RPL3: variants seen among roughly 807,000 people sequenced by gnomAD.
RPL3 encodes large ribosomal subunit protein uL3.
In RPL3, 3 loss-of-function variants were observed where a neutral mutation model predicts 46.0. The ratio of observed to expected loss-of-function variants is 0.07; its 90% CI spans 0.03 to 0.17. The LOEUF (loss-of-function observed/expected upper bound fraction) is 0.17. Ranked by LOEUF, RPL3 falls within the 10% of genes least tolerant of loss-of-function variation. The pLI, the probability that RPL3 is intolerant of heterozygous loss-of-function variation, is 1.00. For missense variants in RPL3, 387 were observed against 532.7 expected, an observed-to-expected ratio of 0.73 and a Z score of 2.69; for synonymous variants, 224 against 190.8, an observed-to-expected ratio of 1.17 and a Z score of -1.43.
chr22:39,319,182 A>G (rs1027921831), intron 1 of RPL3: 5 of 536,708 alleles, frequency 9.3e-6, no homozygotes, highest in African/African-American at 7.7e-5. Context: ...ACTCCACAAC[A>G]CTCCCCTCCC....
At chr22:39,313,598 A>G (rs373828350) in intron 8 of RPL3, 36 bp downstream of exon 8, 321 of 1,595,710 alleles carry the variant, frequency 2.0e-4, no homozygotes, top group Non-Finnish European at 2.6e-4. Context: ...CTCCCTCTAC[A>G]AGAGCCCCCC....
chr22:39,319,079 T>C (rs1472924041), intron 1 of RPL3: 2 of 537,210 alleles, frequency 3.7e-6, no homozygotes, highest in Non-Finnish European at 7.6e-6. Context: ...CAGCACACAG[T>C]TTCTGTCCGC....
chr22:39,315,230 G>C, intron 5 of RPL3, 139 bp downstream of exon 5: 1 of 1,211,050 alleles, frequency 8.3e-7, no homozygotes, highest in Non-Finnish European at 1.2e-6. Flanking sequence ...TCAGAAGGAA[G>C]GCAGTAGAGA....
rs1922723791 is a variant in RPL3 at position 39,316,785 on chromosome 22, T to A, written c.422A>T (p.Asp141Val). 2 of 1,614,032 alleles carry A rather than the reference T, an allele frequency of 1.2e-6. No individual in the cohort carries two copies. The highest frequency in any genetic ancestry group is 2.7e-5 in the African/African-American group (2 of 75,046). ...GTCCTTCTCCAGCTGCTTCTTGCCATCCTCATCCTGCCATTTCTTGCAGTA... is the reference window on the plus strand; with the variant it reads ...GTCCTTCTCCAGCTGCTTCTTGCCAACCTCATCCTGCCATTTCTTGCAGTA... ...TKYCKKWQDE[D>V]GKKQLEKDFS... is the part of the protein sequence containing the mutation. The change falls in exon 4 of 10, where the codon GAT becomes GTT. Residue 141 changes from aspartate to valine, a missense_variant. Asp to Val is a radical substitution (Grantham distance 152). Transcript: ENST00000216146.
intron 2 of RPL3, 122 bp downstream of exon 2, chr22:39,318,278 G>C (rs1922828925): frequency 2.1e-6 from 2 of 961,462 alleles, no homozygotes; most frequent in Admixed American, 6.1e-5. Context: ...CAGCAGTTCT[G>C]ACAACGTGTA....
chr22:39,317,845 C>T, intron 2 of RPL3: 4 of 546,056 alleles, frequency 7.3e-6, no homozygotes. Flanking sequence ...CAGCCAAATA[C>T]CTGTCCAGCT....
rs539087537 is a variant in RPL3 at position 39,313,919 on chromosome 22, G to A, written c.951+188C>T. On this transcript the variant is annotated intron_variant, in intron 7 of 9. Coordinates refer to ENST00000216146, the MANE Select transcript of RPL3 (RefSeq NM_000967.4). ...GCCTCATCACTGAACAGCTGAGCCT[G>A]AGACCCCACTTCTCACCAGCCAACC... The A allele has an allele frequency of 1.6e-5, 13 of 833,710 alleles. No individual in the cohort carries two copies. The African/African-American group carries it at 1.7e-4, about 11-fold the overall frequency. 51.6% of individuals were successfully genotyped at this position (833,710 alleles called of 1,614,324 possible). A position where few individuals can be genotyped will look rare whatever the true frequency, so the allele number is the denominator to read the frequency against.
chr22:39,314,914 G>A (rs2146512772), intron 5 of RPL3, 68 bp from the exon 6 acceptor site: 1 of 1,573,048 alleles, frequency 6.4e-7, no homozygotes, highest in Non-Finnish European at 8.7e-7. Context: ...CTGCTACTCA[G>A]CAATTACCAA....
At position 39,315,573 on chromosome 22, in the gene RPL3, C is replaced by T. The variant is rs1378647733; in HGVS notation, c.502-18G>A. 3.1e-6 allele frequency: 5 copies of T among 1,612,474 alleles called. No homozygotes were observed. The highest frequency in any genetic ancestry group is 1.1e-5 in the South Asian group (1 of 91,086). On this transcript the variant is annotated intron_variant, in intron 4 of 9. Coordinates refer to ENST00000216146, the MANE Select transcript of RPL3 (RefSeq NM_000967.4). ...AGGCGCATCTAGGAGAAGGTAGACA[C>T]AGCTCAGCTCCAGCTGCCAGCGCTC... is the stretch of plus-strand genomic sequence containing the variant.
chr22:39,313,588 C>T (rs1922491374), intron 8 of RPL3, 46 bp downstream of exon 8: 1 of 1,575,078 alleles, frequency 6.3e-7, no homozygotes, highest in South Asian at 1.1e-5. Flanking sequence ...GCCTTGGATC[C>T]TCCCTCTACA....
chr22:39,319,274 C>T, intron 1 of RPL3: 2 of 517,346 alleles, frequency 3.9e-6, no homozygotes, highest in Non-Finnish European at 7.1e-6. Flanking sequence ...AGGTTATGGG[C>T]CCTAATCCCA....
rs540148307 is a variant in RPL3, at chr22:39,315,569, GAC to G, written c.502-16_502-15del. 2 of 1,613,424 alleles carry G rather than the reference GAC, an allele frequency of 1.2e-6. No individual in the cohort carries two copies. The highest frequency in any genetic ancestry group is 1.7e-6 in the Non-Finnish European group (2 of 1,179,638). ...AAGCAGGCGCATCTAGGAGAAGGTAGACACAGCTCAGCTCCAGCTGCCAGCGC... is the reference window on the plus strand; with the variant it reads ...AAGCAGGCGCATCTAGGAGAAGGTAGACAGCTCAGCTCCAGCTGCCAGCGC... On this transcript the variant is annotated splice_polypyrimidine_tract_variant and intron_variant, in intron 4 of 9. Transcript: ENST00000216146.
At chr22:39,319,395 G>T in intron 1 of RPL3, 200 bp downstream of exon 1, 1 of 713,272 alleles carries the variant, frequency 1.4e-6, no homozygotes, top group Non-Finnish European at 2.4e-6. Flanking sequence ...CCGACCTGCA[G>T]GCCCAAAGCC....
At chr22:39,313,513 G>T in intron 8 of RPL3, 121 bp downstream of exon 8, 1 of 1,245,942 alleles carries the variant, frequency 8.0e-7, no homozygotes. Flanking sequence ...CAAAGCCAGT[G>T]TGAAAGGACT....
At chr22:39,319,344 G>A (rs1170281956) in intron 1 of RPL3, 4 of 604,932 alleles carry the variant, frequency 6.6e-6, no homozygotes, top group Non-Finnish European at 1.2e-5. Context: ...TAAAAACGCC[G>A]GGCCTCCAAG....
intron 2 of RPL3, 139 bp from the exon 3 acceptor site, chr22:39,317,768 C>T (rs1289779096): frequency 8.2e-6 from 7 of 849,804 alleles, no homozygotes; most frequent in Non-Finnish European, 1.1e-5. Context: ...ACAGGGCTGT[C>T]CTTACTGCCT....
chr22:39,313,215 G>A lies in RPL3; in HGVS notation c.1143C>T (p.Thr381=), dbSNP rs1403084428. ...TSKFGHGRFQ[T]MEEKKAFMGP... ...CCATGAATGCTTTCTTCTCCTCCATGGTCTGGAAGCGGCCATGGCCAAACT... is the reference window on the plus strand; with the variant it reads ...CCATGAATGCTTTCTTCTCCTCCATAGTCTGGAAGCGGCCATGGCCAAACT... Residue 381 remains threonine (T), a synonymous_variant, in exon 9 of 10, where the codon ACC becomes ACT. Coordinates refer to ENST00000216146, the MANE Select transcript of RPL3 (RefSeq NM_000967.4). 16 of 1,609,276 alleles carry A rather than the reference G, an allele frequency of 9.9e-6. No individual in the cohort carries two copies. Among genetic ancestry groups the A allele is most frequent in the African/African-American group, 1.3e-5 (1 of 74,852 alleles).
In RPL3 at chr22:39,315,406, G is replaced by A. The variant is rs1166884189; in HGVS notation, c.651C>T (p.Ile217=). 2.5e-6 allele frequency: 4 copies of A among 1,613,932 alleles called. No homozygotes were observed. Among genetic ancestry groups the A allele is most frequent in the Non-Finnish European group, 2.5e-6 (3 of 1,180,028 alleles). The change falls in exon 5 of 10, where the codon ATC becomes ATT. Residue 217 remains isoleucine, a synonymous_variant. Transcript: ENST00000216146. The part of the protein sequence containing the change: ...VNQVFGQDEM[I]DVIGVTKGKG... ...TGCCCTTGGTCACCCCGATGACGTC[G>A]ATCATCTCATCCTGCCCAAACACTT...
chr22:39,318,637 GCC>G (rs1569162477), intron 1 of RPL3, 45 bp from the exon 2 acceptor site: 2 of 1,499,726 alleles, frequency 1.3e-6, no homozygotes, highest in Non-Finnish European at 1.8e-6. Context: ...CCAAAGCAGT[GCC>G]CCCTTCTCTA....
Sources: gnomAD v4.1 joint callset for allele counts on GRCh38, gnomAD v4.1.1 for gene constraint, MANE v1.5 for transcripts, NCBI Gene and HGNC (gene_info 2026-07-23, HGNC 2026-07-21) for gene names.